SSUH2: variants seen among roughly 807,000 people sequenced by gnomAD.
The protein encoded by SSUH2 is protein SSUH2 homolog.
A neutral mutation model predicts 55.3 loss-of-function variants in SSUH2; 47 were observed. The ratio of observed to expected loss-of-function variants is 0.85; its 90% CI spans 0.67 to 1.08. SSUH2 has a LOEUF of 1.08. SSUH2 is among the 50% of genes least tolerant of loss of function. The pLI is 0.00. For missense variants in SSUH2, 535 were observed against 490.7 expected (o/e 1.09, Z -0.85); for synonymous variants, 212 against 191.5 (o/e 1.11, Z -0.89).
rs531051005 is a variant in SSUH2 at position 8,660,499 on chromosome 3, CTGTT to C, written c.-395-1490_-395-1487del. ...CTTCAAGAACAGTTATAAGATAACACTGTTTGAGAAGCCAAGGCCAAAAGAATGG... is the reference window on the plus strand; with the variant it reads ...CTTCAAGAACAGTTATAAGATAACACTGAGAAGCCAAGGCCAAAAGAATGG... On this transcript the variant is annotated intron_variant, in intron 6 of 18. Transcript: ENST00000317371. Among the ~76,000 whole-genome samples the C allele has an allele frequency of 1.5e-3, 230 of 152,328 alleles. 1 individual carries two copies. The highest frequency in any genetic ancestry group is 2.6e-3 in the Non-Finnish European group (176 of 68,034).
chr3:8,672,263 G>A (rs1157695662), intron 3 of SSUH2, among the ~76,000 whole-genome samples: 1 of 151,712 alleles, frequency 6.6e-6, no homozygotes, highest in African/African-American at 2.4e-5. Context: ...TCTCCCCCTT[G>A]TAATATTAAG....
At chr3:8,644,930 A>G (rs1701478468), upstream of SSUH2, 11 of 652,598 alleles carry the variant, frequency 1.7e-5, no homozygotes, top group South Asian at 5.2e-5. Flanking sequence ...TCTGCACCCA[A>G]TCCACCGGGT....
chr3:8,626,344 AC>A (rs763490748), intron 8 of SSUH2, 23 bp from the exon 9 acceptor site: 5 of 1,603,604 alleles, frequency 3.1e-6, no homozygotes, highest in East Asian at 2.2e-5. Flanking sequence ...CAGAGTCCGT[AC>A]CCCCAGATCA....
At chr3:8,625,685 G>A in intron 9 of SSUH2, 38 bp from the exon 10 acceptor site, 1 of 1,448,916 alleles carries the variant, frequency 6.9e-7, no homozygotes, top group South Asian at 1.1e-5. Context: ...AGCACACAGT[G>A]TGGCAGGTTA....
In SSUH2 at chr3:8,633,776, C is replaced by T; in HGVS notation, c.229G>A (p.Glu77Lys). 1 of 1,612,204 alleles carries T rather than the reference C, an allele frequency of 6.2e-7. No homozygotes were observed. ...CTGAGGAGGGCTTCCCGGGCCACCT[C>T]CTCCGTCATCGCAGGGACTCTGCAG... ...LEHRVPAMTE[E>K]VAREALLSFV... The change falls in exon 4 of 12, where the codon GAG becomes AAG. Residue 77 changes from glutamate (E) to lysine (K), a missense_variant. Transcript: ENST00000544814.
intron 3 of SSUH2, among the ~76,000 whole-genome samples, chr3:8,675,536 G>C (rs6792450): frequency 1.3e-5 from 2 of 152,114 alleles, no homozygotes; most frequent in Non-Finnish European, 2.9e-5. Context: ...CAGATCTGCC[G>C]ACAGCAGGTA....
intron 5 of SSUH2, among the ~76,000 whole-genome samples, chr3:8,670,371 C>T (rs531686140): frequency 7.2e-5 from 11 of 152,140 alleles, no homozygotes; most frequent in African/African-American, 2.7e-4. Context: ...AATAATAACA[C>T]AGGCGGTGTA....
intron 1 of SSUH2, among the ~76,000 whole-genome samples, chr3:8,643,988 A>T (rs2859616): frequency 6.8e-6 from 1 of 147,948 alleles, no homozygotes; most frequent in Non-Finnish European, 1.5e-5. Context: ...TCCCCTCCCC[A>T]CTCCCCGCCA....
At chr3:8,635,494 T>C in intron 2 of SSUH2, 113 bp from the exon 3 acceptor site, 1 of 844,984 alleles carries the variant, frequency 1.2e-6, no homozygotes, top group Non-Finnish European at 1.8e-6. Flanking sequence ...GAAGAAACAG[T>C]GATGCATTTA....
At chr3:8,678,965 TCGCAGGGCGGAGAGTCACCCCCCGC>T (rs1559568158) in intron 2 of SSUH2, among the ~76,000 whole-genome samples, 3 of 95,396 alleles carry the variant, frequency 3.1e-5, no homozygotes, top group Admixed American at 1.0e-4. Context: ...GGGACGCCCA[TCGCAGGGCGGAGAGTCACCCCCCGC>T]GAGGTGGGGA....
At chr3:8,626,024 G>A (rs566701508) in intron 9 of SSUH2, among the ~76,000 whole-genome samples, 1 of 152,274 alleles carries the variant, frequency 6.6e-6, no homozygotes, top group East Asian at 1.9e-4. Context: ...GGCAGAATTT[G>A]GACTGAGGTC....
chr3:8,640,747 T>G (rs544619028), intron 1 of SSUH2, among the ~76,000 whole-genome samples: 3 of 152,164 alleles, frequency 2.0e-5, no homozygotes, highest in Admixed American at 2.0e-4. Context: ...GGGAAGCAAA[T>G]GTTCACCATG....
intron 3 of SSUH2, among the ~76,000 whole-genome samples, chr3:8,675,441 C>T (rs1705132244): frequency 6.6e-6 from 1 of 152,168 alleles, no homozygotes; most frequent in Non-Finnish European, 1.5e-5. Flanking sequence ...TGGGACACCC[C>T]ATTGCAGTCG....
chr3:8,635,646 G>GC (rs954054240), intron 2 of SSUH2, 113 bp downstream of exon 2: 75 of 1,050,768 alleles, frequency 7.1e-5, no homozygotes, highest in East Asian at 6.3e-4. Context: ...GCTTCCCAGG[G>GC]CCCCCCCAGG....
intron 11 of SSUH2, among the ~76,000 whole-genome samples, chr3:8,620,573 G>A (rs867365964): frequency 3.9e-5 from 6 of 152,050 alleles, no homozygotes; most frequent in South Asian, 2.1e-4. Flanking sequence ...GCTCCTTCAC[G>A]CACCCTAAGC....
chr3:8,630,936 C>T lies in SSUH2; in HGVS notation c.401-7G>A, dbSNP rs756578973. The T allele has an allele frequency of 1.4e-6, 2 of 1,403,100 alleles. No individual in the cohort carries two copies. The highest frequency in any genetic ancestry group is 1.5e-5 in the African/African-American group (1 of 67,282). 86.9% of individuals were successfully genotyped at this position (1,403,100 alleles called of 1,614,324 possible). A position where few individuals can be genotyped will look rare whatever the true frequency, so the allele number is the denominator to read the frequency against. ...GGCCCATCCACAGAGTGGTCTGACA[C>T]AGAAAGGGGTCATTGTAAGAATGAC... On this transcript the variant is annotated splice_region_variant and splice_polypyrimidine_tract_variant and intron_variant, in intron 5 of 11. Transcript: ENST00000544814.
At chr3:8,680,756 T>C (rs553244519) in intron 1 of SSUH2, among the ~76,000 whole-genome samples, 1 of 152,152 alleles carries the variant, frequency 6.6e-6, no homozygotes, top group African/African-American at 2.4e-5. Context: ...GGTGTATACT[T>C]ACTGCGATAT....
rs1575080637 is a variant in SSUH2, at chr3:8,627,876, C to A, written c.589-93G>T. On this transcript the variant is annotated intron_variant, in intron 7 of 11. Transcript: ENST00000544814. ...CCTGGTTCAAATCCCAGCCTGGTGA[C>A]CTTCCTCCCCCTGGGCCTTAGCCCC... is the stretch of plus-strand genomic sequence containing the variant. The A allele has an allele frequency of 3.4e-5, 37 of 1,091,792 alleles. No homozygotes were observed. In the East Asian group the frequency reaches 9.6e-4, roughly 28 times the overall value. The allele number at this position is 1,091,792 out of a possible 1,614,324, so 67.6% of individuals were successfully genotyped here. A position where few individuals can be genotyped will look rare whatever the true frequency, so the allele number is the denominator to read the frequency against.
upstream of SSUH2, among the ~76,000 whole-genome samples, chr3:8,648,449 C>T (rs1701988838): frequency 6.6e-6 from 1 of 152,198 alleles, no homozygotes; most frequent in Admixed American, 6.5e-5. Flanking sequence ...AGCTGAGAAA[C>T]TACGATGCCC....
Sources: gnomAD v4.1 joint callset for allele counts (sites outside exome capture counted in the v4.1 genomes callset) on GRCh38, gnomAD v4.1.1 for gene constraint, MANE v1.5 for transcripts, NCBI Gene and HGNC (gene_info 2026-07-23, HGNC 2026-07-21) for gene names.